The following UPF2 variants were observed in gnomAD, a reference collection of about 807,000 sequenced individuals.
UPF2 encodes the protein regulator of nonsense transcripts 2.
Under a neutral mutation model 141.4 loss-of-function variants are expected in UPF2, and 17 were observed. That is an observed-to-expected ratio of 0.12 (90% confidence interval 0.08 to 0.18). The LOEUF (loss-of-function observed/expected upper bound fraction) is 0.18, where lower values mean the gene tolerates loss of function less well. Among genes scored for constraint, UPF2 ranks in the 10% least tolerant of loss-of-function variants. UPF2 has a pLI of 1.00. For missense variants in UPF2, 1,152 were observed against 1,515.9 expected (o/e 0.76, Z 3.99); for synonymous variants, 540 against 498.0 (o/e 1.08, Z -1.12).
chr10:11,967,033 C>A (rs1833332847), intron 10 of UPF2, among the ~76,000 whole-genome samples: 1 of 152,110 alleles, frequency 6.6e-6, no homozygotes, highest in African/African-American at 2.4e-5. Flanking sequence ...TTCTCATCTT[C>A]ATATTTAAGG....
At chr10:11,975,690 T>C (rs1428151900) in intron 9 of UPF2, among the ~76,000 whole-genome samples, 1 of 151,888 alleles carries the variant, frequency 6.6e-6, no homozygotes, top group East Asian at 1.9e-4. Flanking sequence ...GTTGTTTTTT[T>C]TTTTTTTAGG....
Position 11,921,451 on chromosome 10 carries a change from T to G in UPF2, c.3810-144A>C. 1 of 862,670 alleles carries G rather than the reference T, an allele frequency of 1.2e-6. No individual in the cohort carries two copies. Among genetic ancestry groups the G allele is most frequent in the Non-Finnish European group, 1.9e-6 (1 of 536,206 alleles). 53.4% of individuals were successfully genotyped at this position (862,670 alleles called of 1,614,324 possible). A position where few individuals can be genotyped will look rare whatever the true frequency, so the allele number is the denominator to read the frequency against. On this transcript the variant is annotated intron_variant, in intron 21 of 21. Transcript: ENST00000357604. The surrounding 1 kb of genome is among the most constrained non-coding windows in gnomAD (Gnocchi z 5.9). ...CTGGCATCTGCGGGTTCCACATCCATGGACCAAAAATATTCGGGGGAAAAA... is the reference window on the plus strand; with the variant it reads ...CTGGCATCTGCGGGTTCCACATCCAGGGACCAAAAATATTCGGGGGAAAAA...
intron 4 of UPF2, among the ~76,000 whole-genome samples, chr10:12,005,402 T>C (rs1439137392): frequency 2.0e-5 from 3 of 152,218 alleles, no homozygotes; most frequent in Non-Finnish European, 2.9e-5. Context: ...AGATTGTTTA[T>C]ACAGAGAAAG....
Position 12,001,817 on chromosome 10 carries a change from C to G in UPF2, c.1513G>C (p.Glu505Gln), listed in dbSNP as rs1564362171. The G allele has an allele frequency of 6.3e-7, 1 of 1,588,558 alleles. No homozygotes were observed. Among genetic ancestry groups the G allele is most frequent in the Non-Finnish European group, 8.5e-7 (1 of 1,170,894 alleles). The change falls in exon 6 of 22, where the codon GAA becomes CAA. Residue 505 changes from glutamate (E) to glutamine (Q), a missense_variant. This residue lies in a region of UPF2 where 739 missense variants were observed against 1,032.2 expected (regional missense o/e 0.72). Transcript: ENST00000357604. ...GATACCTCCTTATTCTCCTTAGATT[C>G]TTTTGCCTCTGTTGAAAAACAAACA... ...SNKDDTKEAKESKENKEVSSP... is the reference protein window; with the variant it reads ...SNKDDTKEAKQSKENKEVSSP...
intron 10 of UPF2, among the ~76,000 whole-genome samples, chr10:11,966,246 G>T (rs1833317993): frequency 1.3e-5 from 2 of 152,126 alleles, no homozygotes; most frequent in Admixed American, 6.5e-5. Context: ...TCTGCCTGTT[G>T]TTTCAGCTAC....
Position 12,001,697 on chromosome 10 carries a change from T to C in UPF2, c.1633A>G (p.Lys545Glu). Residue 545 changes from lysine to glutamate, a missense_variant, in exon 6 of 22, where the codon AAG (lysine) becomes GAG (glutamate). Transcript: ENST00000357604. ...TTACCTTGTTCATCAAGAAGTTTCT[T>C]TGTAAGATCTTCAGCTTCATCTCCA... The part of the protein sequence containing the change: ...EGGDEAEDLT[K>E]KLLDEQEQED... 1.2e-6 allele frequency: 2 copies of C among 1,600,494 alleles called. No homozygotes were observed. The highest frequency in any genetic ancestry group is 1.7e-6 in the Non-Finnish European group (2 of 1,176,514).
At chr10:11,951,078 T>C (rs1833068349) in intron 15 of UPF2, among the ~76,000 whole-genome samples, 1 of 152,206 alleles carries the variant, frequency 6.6e-6, no homozygotes. Flanking sequence ...CTTTATTTTT[T>C]TGAGATGGAG....
chr10:11,957,496 A>C (rs1833171536), intron 12 of UPF2, among the ~76,000 whole-genome samples: 1 of 151,926 alleles, frequency 6.6e-6, no homozygotes. Context: ...GCATAATTTG[A>C]CATAAATAAT....
chr10:11,943,121 C>A lies in UPF2; in HGVS notation c.3222G>T (p.Glu1074Asp). The A allele has an allele frequency of 6.2e-7, 1 of 1,611,972 alleles. No homozygotes were observed. Among genetic ancestry groups the A allele is most frequent in the East Asian group, 2.2e-5 (1 of 44,786 alleles). ...DDDEGEEEEEENTDYLTDSNK... is the reference protein window; with the variant it reads ...DDDEGEEEEEDNTDYLTDSNK... ...TGGAATCTGTAAGGTAATCTGTATT[C>A]TCTTCCTCCTCTTCTTCTCCCTCAT... is the stretch of plus-strand genomic sequence containing the variant. The change falls in exon 17 of 22, where the codon GAG becomes GAT. Residue 1074 changes from glutamate to aspartate, a missense_variant. Glu to Asp is a conservative substitution (Grantham distance 45, BLOSUM62 2). Transcript: ENST00000357604.
chr10:11,921,200 C>A lies in UPF2; in HGVS notation c.*98G>T. The stretch of plus-strand genomic sequence containing the variant: ...TAGATTCGCAACTCTCTAGACCGAC[C>A]TGCTGAGATGTGTCCACTGCTCTCA... On this transcript the variant is annotated 3_prime_UTR_variant, in exon 22 of 22. Transcript: ENST00000357604. The surrounding 1 kb of genome is among the most constrained non-coding windows in gnomAD (Gnocchi z 5.9). 1 of 1,539,888 alleles carries A rather than the reference C, an allele frequency of 6.5e-7. No individual in the cohort carries two copies. The highest frequency in any genetic ancestry group is 1.7e-5 in the Admixed American group (1 of 59,940).
At position 11,953,854 on chromosome 10, in the gene UPF2, G is replaced by C. The variant is rs553418820; in HGVS notation, c.2850+1378C>G. The stretch of plus-strand genomic sequence containing the variant: ...AGCGGTAGGAGCAAGCTAACAGACC[G>C]CAATTCCCGAAGAATATTTACCCCC... On this transcript the variant is annotated intron_variant, in intron 14 of 21. Coordinates refer to ENST00000357604, the MANE Select transcript of UPF2 (RefSeq NM_015542.4). This position sits in a 1 kb window ranked among gnomAD's most constrained non-coding sequence, Gnocchi z 5.0. Among the ~76,000 whole-genome samples, 1 of 152,130 alleles carries C rather than the reference G, an allele frequency of 6.6e-6. No homozygotes were observed. The highest frequency in any genetic ancestry group is 6.5e-5 in the Admixed American group (1 of 15,278).
At chr10:12,036,333 T>A (rs1161743128) in intron 1 of UPF2, among the ~76,000 whole-genome samples, 1 of 152,344 alleles carries the variant, frequency 6.6e-6, no homozygotes, top group East Asian at 1.9e-4. Flanking sequence ...TTGCTAAATA[T>A]CCGTCGGAGA....
Position 11,999,382 on chromosome 10 carries a change from G to A in UPF2, c.1758+524C>T, listed in dbSNP as rs562822284. Among the ~76,000 whole-genome samples the A allele has an allele frequency of 4.0e-4, 61 of 151,730 alleles. No homozygotes were observed. The South Asian group carries it at 0.012, about 29-fold the overall frequency. ...CAAAAAAATTAGCCGGCATGATGGC[G>A]CGTGCCTGTAATCCCAGCTACTCGA... On this transcript the variant is annotated intron_variant, in intron 7 of 21. Coordinates refer to ENST00000357604, the MANE Select transcript of UPF2 (RefSeq NM_015542.4).
chr10:11,958,486 A>C (rs1449686048), intron 12 of UPF2, among the ~76,000 whole-genome samples: 1 of 152,214 alleles, frequency 6.6e-6, no homozygotes, highest in African/African-American at 2.4e-5. Flanking sequence ...ATTTGAAACA[A>C]CTACTGCCTC....
intron 8 of UPF2, among the ~76,000 whole-genome samples, chr10:11,993,369 T>A (rs973013133): frequency 1.3e-5 from 2 of 151,954 alleles, no homozygotes; most frequent in Admixed American, 6.6e-5. Flanking sequence ...ATGCAACACA[T>A]CGGGAGTCAC....
At chr10:11,963,761 G>A (rs906879611) in intron 11 of UPF2, among the ~76,000 whole-genome samples, 1 of 152,138 alleles carries the variant, frequency 6.6e-6, no homozygotes. Flanking sequence ...TGCATCATTT[G>A]TTAAAAGTGT....
At position 11,920,165 on chromosome 10, in the gene UPF2, A is replaced by G. The variant is rs1386247384; in HGVS notation, c.*1133T>C. 3.3e-5 allele frequency: 5 copies of G among 152,242 alleles called. No individual in the cohort carries two copies. Among genetic ancestry groups the G allele is most frequent in the Non-Finnish European group, 7.3e-5 (5 of 68,030 alleles). The allele number at this position is 152,242 out of a possible 1,614,324, so 9.4% of individuals were successfully genotyped here. A position where few individuals can be genotyped will look rare whatever the true frequency, so the allele number is the denominator to read the frequency against. On this transcript the variant is annotated 3_prime_UTR_variant, in exon 22 of 22. Coordinates refer to ENST00000357604, the MANE Select transcript of UPF2 (RefSeq NM_015542.4). Reference sequence around the variant, plus strand: ...CTACATGCAGAAACTGAAACATGGTAAAAGAAAAAATGCAAAATAGCTAGA... The same window carrying G: ...CTACATGCAGAAACTGAAACATGGTGAAAGAAAAAATGCAAAATAGCTAGA...
intron 4 of UPF2, among the ~76,000 whole-genome samples, chr10:12,008,151 T>TA (rs1834066484): frequency 6.6e-6 from 1 of 151,858 alleles, no homozygotes; most frequent in South Asian, 2.1e-4. Flanking sequence ...CCAAGTGCTT[T>TA]TATAAATCAA....
intron 16 of UPF2, among the ~76,000 whole-genome samples, chr10:11,944,477 G>A (rs570137889): frequency 1.3e-5 from 2 of 152,264 alleles, no homozygotes; most frequent in South Asian, 2.1e-4. Context: ...CTGGGTGACA[G>A]AGCGAGACTC....
Sources: gnomAD v4.1 joint callset for allele counts (sites outside exome capture counted in the v4.1 genomes callset) on GRCh38, gnomAD v4.1.1 for gene constraint, gnomAD v4.1.1 regional missense constraint, Gnocchi (gnomAD v3.1) non-coding constraint, MANE v1.5 for transcripts, NCBI Gene and HGNC (gene_info 2026-07-23, HGNC 2026-07-21) for gene names.